Variants in SELENOS observed in about 807,000 individuals in gnomAD.
SELENOS encodes VCP interacting membrane selenoprotein.
A neutral mutation model predicts 30.2 loss-of-function variants in SELENOS; 37 were observed. The ratio of observed to expected loss-of-function variants is 1.23; its 90% confidence interval spans 0.94 to 1.61. The LOEUF (loss-of-function observed/expected upper bound fraction) is 1.61. Ranked by LOEUF, SELENOS falls within the 40% of genes most tolerant of loss-of-function variation. SELENOS has a pLI of 0.00. For synonymous variants in SELENOS, 119 were observed against 91.6 expected (o/e 1.30, Z -1.71); for missense variants, 289 against 231.8 (o/e 1.25, Z -1.60).
intron 3 of SELENOS, 28 bp from the exon 4 acceptor site, chr15:101,274,709 G>T: frequency 2.5e-6 from 4 of 1,587,354 alleles, no homozygotes; most frequent in Non-Finnish European, 3.4e-6. Context: ...TTTACAGAAA[G>T]AATTCAGAAG....
intron 2 of SELENOS, among the ~76,000 whole-genome samples, chr15:101,275,884 C>A (rs2039320254): frequency 6.7e-6 from 1 of 150,164 alleles, no homozygotes; most frequent in African/African-American, 2.5e-5. Flanking sequence ...CATAGAGTCT[C>A]GCTCTTTGCA....
In SELENOS at chr15:101,276,596, G is replaced by A. The variant is rs1444073402; in HGVS notation, c.156C>T (p.Ser52=). 1.2e-6 allele frequency: 2 copies of A among 1,613,708 alleles called. No individual in the cohort carries two copies. Among genetic ancestry groups the A allele is most frequent in the Non-Finnish European group, 1.7e-6 (2 of 1,179,854 alleles). ...ILLYVVFQKL[S]ARLRALRQRQ... The stretch of plus-strand genomic sequence containing the variant: ...TCTGCCTCAAGGCTCTTAGCCGGGC[G>A]GAAAGCTTCTGAAAGACCACGTAGA... Residue 52 remains serine, a synonymous_variant, in exon 2 of 6, where the codon TCC becomes TCT. Coordinates refer to ENST00000526049, the MANE Select transcript of SELENOS (RefSeq NM_018445.6).
At chr15:101,275,233 T>G in intron 3 of SELENOS, 22 bp downstream of exon 3, 1 of 1,524,678 alleles carries the variant, frequency 6.6e-7, no homozygotes. Flanking sequence ...ATGCACACAT[T>G]CAAACTGAAA....
chr15:101,274,687 A>C lies in SELENOS; in HGVS notation c.319-6T>G, dbSNP rs751211472. 6.2e-7 allele frequency: 1 copy of C among 1,608,598 alleles called. No homozygotes were observed. Among genetic ancestry groups the C allele is most frequent in the Non-Finnish European group, 8.5e-7 (1 of 1,178,504 alleles). On this transcript the variant is annotated splice_region_variant and splice_polypyrimidine_tract_variant and intron_variant, in intron 3 of 5. Coordinates refer to ENST00000526049, the MANE Select transcript of SELENOS (RefSeq NM_018445.6). ...CTCCTTTTTTCTTCTTCAAGCTGAG[A>C]AACAATCACATTTTACAGAAAGAAT...
Position 101,277,343 on chromosome 15 carries a change from C to A in SELENOS, c.75G>T (p.Thr25=). The A allele has an allele frequency of 6.6e-7, 1 of 1,516,502 alleles. No individual in the cohort carries two copies. The highest frequency in any genetic ancestry group is 8.8e-7 in the Non-Finnish European group (1 of 1,139,638). The allele number at this position is 1,516,502 out of a possible 1,614,324, so 93.9% of individuals were successfully genotyped here. A position where few individuals can be genotyped will look rare whatever the true frequency, so the allele number is the denominator to read the frequency against. Residue 25 remains threonine (T), a splice_region_variant and synonymous_variant, in exon 1 of 6, where the codon ACG becomes ACT. Transcript: ENST00000526049. ...ETEGLRFLHT[T]VGSLLATYGW... is the part of the protein sequence containing the mutation. ...CCCGGCTGCCCCGCAACGACTCACCCGTGGTGTGCAGGAAGCGCAGCCCCT... is the reference window on the plus strand; with the variant it reads ...CCCGGCTGCCCCGCAACGACTCACCAGTGGTGTGCAGGAAGCGCAGCCCCT...
In SELENOS at chr15:101,274,613, T is replaced by G; in HGVS notation, c.387A>C (p.Lys129Asn). 6.2e-7 allele frequency: 1 copy of G among 1,613,660 alleles called. No individual in the cohort carries two copies. Among genetic ancestry groups the G allele is most frequent in the South Asian group, 1.1e-5 (1 of 90,976 alleles). The change falls in exon 4 of 6, where the codon AAA becomes AAC. Residue 129 changes from lysine to asparagine, a missense_variant. Physicochemically the swap from Lys to Asn is moderately conservative, Grantham distance 94. Coordinates refer to ENST00000526049, the MANE Select transcript of SELENOS (RefSeq NM_018445.6). The stretch of plus-strand genomic sequence containing the variant: ...TCACCTGGGGCTTCTTTGCATTTCC[T>G]TTGTAACTTTTTCCTTCTTGCATGC... Reference protein sequence around the residue: ...WDSMQEGKSYKGNAKKPQEED... With the variant: ...WDSMQEGKSYNGNAKKPQEED...
chr15:101,276,651 C>T lies in SELENOS; in HGVS notation c.101G>A (p.Gly34Asp). ...GATGCAGCTGAAGACGATGTACCAG[C>T]CATAGGTGGCCAGCAGGGAGCCCAC... is the stretch of plus-strand genomic sequence containing the variant. ...TTVGSLLATYGWYIVFSCILL... is the reference protein window; with the variant it reads ...TTVGSLLATYDWYIVFSCILL... The change falls in exon 2 of 6, where the codon GGC (glycine) becomes GAC (aspartate). Residue 34 changes from glycine to aspartate, a missense_variant. Physicochemically the swap from Gly to Asp is moderately conservative, Grantham distance 94. Coordinates refer to ENST00000526049, the MANE Select transcript of SELENOS (RefSeq NM_018445.6). The T allele has an allele frequency of 6.2e-7, 1 of 1,609,028 alleles. No individual in the cohort carries two copies. The highest frequency in any genetic ancestry group is 8.5e-7 in the Non-Finnish European group (1 of 1,178,702).
At position 101,274,575 on chromosome 15, in the gene SELENOS, C is replaced by T; in HGVS notation, c.408+17G>A. On this transcript the variant is annotated intron_variant, in intron 4 of 5. Transcript: ENST00000526049. ...TCTTCATCTACCGCATGCCAGCCGG[C>T]CGAGGTCTCCAGTCACCTGGGGCTT... is the stretch of plus-strand genomic sequence containing the variant. The T allele has an allele frequency of 6.2e-7, 1 of 1,612,872 alleles. No homozygotes were observed. Among genetic ancestry groups the T allele is most frequent in the Non-Finnish European group, 8.5e-7 (1 of 1,179,246 alleles).
In SELENOS at chr15:101,277,430, C is replaced by CGCCGCCGCCGCCCAGCCCT; in HGVS notation, c.-14_-13insAGGGCTGGGCGGCGGCGGC. On this transcript the variant is annotated 5_prime_UTR_variant, in exon 1 of 6. Coordinates refer to ENST00000526049, the MANE Select transcript of SELENOS (RefSeq NM_018445.6). Reference sequence around the variant, plus strand: ...CTTGGCGTTCCATGACCGCCGCCGCCGCCGCCGCCCAGCCCTGCCGCCGCG... The same window carrying CGCCGCCGCCGCCCAGCCCT: ...CTTGGCGTTCCATGACCGCCGCCGCCGCCGCCGCCGCCCAGCCCTGCCGCCGCCCAGCCCTGCCGCCGCG... 6.8e-7 allele frequency: 1 copy of CGCCGCCGCCGCCCAGCCCT among 1,463,356 alleles called. No homozygotes were observed. Among genetic ancestry groups the CGCCGCCGCCGCCCAGCCCT allele is most frequent in the Admixed American group, 2.5e-5 (1 of 39,476 alleles). The allele number at this position is 1,463,356 out of a possible 1,614,324, so 90.6% of individuals were successfully genotyped here. A position where few individuals can be genotyped will look rare whatever the true frequency, so the allele number is the denominator to read the frequency against.
chr15:101,274,869 G>A (rs2039307273), intron 3 of SELENOS, 188 bp from the exon 4 acceptor site: 1 of 667,122 alleles, frequency 1.5e-6, no homozygotes, highest in East Asian at 2.8e-5. Flanking sequence ...TTTGGTTTTT[G>A]TACACTATTA....
At chr15:101,277,267 G>A (rs756139445) in intron 1 of SELENOS, 75 bp downstream of exon 1, 368 of 1,522,466 alleles carry the variant, frequency 2.4e-4, no homozygotes, top group Non-Finnish European at 3.1e-4. Context: ...CCGGTGCAGC[G>A]GCGGACGACC....
At chr15:101,273,902 A>G (rs2039295773) in intron 5 of SELENOS, among the ~76,000 whole-genome samples, 1 of 152,054 alleles carries the variant, frequency 6.6e-6, no homozygotes, top group African/African-American at 2.4e-5. Flanking sequence ...GTAACTTGCA[A>G]CTCTTAGCCA....
intron 2 of SELENOS, among the ~76,000 whole-genome samples, chr15:101,275,589 ATC>A (rs1248053482): frequency 2.6e-5 from 4 of 152,092 alleles, no homozygotes; most frequent in Admixed American, 2.6e-4. Context: ...ATCACCAGAA[ATC>A]TGTTAGAAAT....
rs2039297829 is a variant in SELENOS, at chr15:101,274,148, T to A, written c.484+272A>T. The stretch of plus-strand genomic sequence containing the variant: ...CTGTGTTCCAGCTCCTTGACACTCA[T>A]CTGAAGATTGGCAGACAATTCCTCA... On this transcript the variant is annotated intron_variant, in intron 5 of 5. Coordinates refer to ENST00000526049, the MANE Select transcript of SELENOS (RefSeq NM_018445.6). 3 of 518,562 alleles carry A rather than the reference T, an allele frequency of 5.8e-6. No homozygotes were observed. The South Asian group carries it at 6.9e-5, about 12-fold the overall frequency. The allele number at this position is 518,562 out of a possible 1,614,324, so 32.1% of individuals were successfully genotyped here.
Position 101,276,599 on chromosome 15 carries a change from A to G in SELENOS, c.153T>C (p.Leu51=), listed in dbSNP as rs530031730. 6.2e-7 allele frequency: 1 copy of G among 1,613,862 alleles called. No individual in the cohort carries two copies. The highest frequency in any genetic ancestry group is 8.5e-7 in the Non-Finnish European group (1 of 1,179,840). The part of the protein sequence containing the change: ...CILLYVVFQK[L]SARLRALRQR... Reference sequence around the variant, plus strand: ...GCCTCAAGGCTCTTAGCCGGGCGGAAAGCTTCTGAAAGACCACGTAGAGAA... The same window carrying G: ...GCCTCAAGGCTCTTAGCCGGGCGGAGAGCTTCTGAAAGACCACGTAGAGAA... The change falls in exon 2 of 6, where the codon CTT becomes CTC. Residue 51 remains leucine, a synonymous_variant. Transcript: ENST00000526049.
chr15:101,274,939 T>C (rs2039307780), intron 3 of SELENOS: 1 of 582,010 alleles, frequency 1.7e-6, no homozygotes, highest in Non-Finnish European at 3.0e-6. Context: ...AACTCACTCC[T>C]GTCAGGACAT....
chr15:101,275,436 T>C, intron 2 of SELENOS, 75 bp from the exon 3 acceptor site: 1 of 1,242,362 alleles, frequency 8.0e-7, no homozygotes, highest in Non-Finnish European at 1.1e-6. Flanking sequence ...GTCCATATTA[T>C]TAAAAGTATA....
chr15:101,275,479 T>C, intron 2 of SELENOS, 118 bp from the exon 3 acceptor site: 1 of 838,762 alleles, frequency 1.2e-6, no homozygotes, highest in South Asian at 2.4e-5. Flanking sequence ...TGAAACAACA[T>C]ATTTTTACAT....
rs764992602 is a variant in SELENOS at position 101,276,658 on chromosome 15, T to C, written c.94A>G (p.Thr32Ala). The change falls in exon 2 of 6, where the codon ACC becomes GCC. Residue 32 changes from threonine to alanine, a missense_variant. Coordinates refer to ENST00000526049, the MANE Select transcript of SELENOS (RefSeq NM_018445.6). Reference sequence around the variant, plus strand: ...CTGAAGACGATGTACCAGCCATAGGTGGCCAGCAGGGAGCCCACTGAAAAG... The same window carrying C: ...CTGAAGACGATGTACCAGCCATAGGCGGCCAGCAGGGAGCCCACTGAAAAG... ...LHTTVGSLLA[T>A]YGWYIVFSCI... 8 of 1,607,370 alleles carry C rather than the reference T, an allele frequency of 5.0e-6. No homozygotes were observed. In the East Asian group the frequency reaches 1.6e-4, roughly 31 times the overall value.
Sources: allele counts gnomAD v4.1 joint callset (sites outside exome capture counted in the v4.1 genomes callset), GRCh38; gene constraint gnomAD v4.1.1; transcripts MANE v1.5; gene names NCBI Gene and HGNC (gene_info 2026-07-23, HGNC 2026-07-21).